Variants in RBSN observed in about 807,000 individuals in gnomAD.
RBSN encodes rabenosyn, RAB effector, also known as rabenosyn-5.
In RBSN, 34 loss-of-function variants were observed where a neutral mutation model predicts 60.5. The ratio of observed to expected loss-of-function variants is 0.56; its 90% CI spans 0.43 to 0.75. The LOEUF (loss-of-function observed/expected upper bound fraction) is 0.75, where lower values mean the gene tolerates loss of function less well. Among genes scored for constraint, RBSN ranks in the 30% least tolerant of loss-of-function variants. RBSN has a pLI of 0.00. For missense variants in RBSN, 845 were observed against 986.8 expected (o/e 0.86, Z 1.92); for synonymous variants, 322 against 366.9 (o/e 0.88, Z 1.40).
chr3:15,095,878 C>A, intron 4 of RBSN, 95 bp downstream of exon 4: 1 of 1,539,158 alleles, frequency 6.5e-7, no homozygotes, highest in Non-Finnish European at 9.0e-7. Flanking sequence ...CTACTATTAT[C>A]ATATTCCTGT....
intron 4 of RBSN, among the ~76,000 whole-genome samples, chr3:15,092,356 AAAC>A (rs904538769): frequency 1.1e-4 from 16 of 152,086 alleles, no homozygotes; most frequent in Admixed American, 1.0e-3. Flanking sequence ...AAAAATACTA[AAAC>A]AAAAGGACAT....
chr3:15,074,070 G>A lies in RBSN; in HGVS notation c.2067C>T (p.Pro689=), dbSNP rs1387110946. The stretch of plus-strand genomic sequence containing the variant: ...GGGGATGTTCGTCTTCCTCACTGAA[G>A]GGGTTAGGAGCTGGGCTGTCTGGCT... ...FIQPDSPAPN[P]FSEEDEHPQQ... is the part of the protein sequence containing the mutation. Residue 689 remains proline (P), a synonymous_variant, in exon 14 of 14, where the codon CCC becomes CCT. Coordinates refer to ENST00000253699, the MANE Select transcript of RBSN (RefSeq NM_022340.4). The surrounding 1 kb of genome is among the most constrained non-coding windows in gnomAD (Gnocchi z 6.4). The A allele has an allele frequency of 1.2e-6, 2 of 1,614,084 alleles. No individual in the cohort carries two copies. The highest frequency in any genetic ancestry group is 3.3e-5 in the Admixed American group (2 of 60,006).
At chr3:15,091,238 T>TAAA in intron 4 of RBSN, 2 of 144,448 alleles carry the variant, frequency 1.4e-5, no homozygotes, top group Non-Finnish European at 1.9e-5. Flanking sequence ...AAAAAAAAAA[T>TAAA]TAAAACTATA....
At chr3:15,089,126 G>C (rs2043426621) in intron 5 of RBSN, among the ~76,000 whole-genome samples, 1 of 152,086 alleles carries the variant, frequency 6.6e-6, no homozygotes. Context: ...CCATTTCATG[G>C]ACAGAAAATA....
rs1171301607 is a variant in RBSN at position 15,070,571 on chromosome 3, A to T, written c.*3211T>A. 1.3e-5 allele frequency: 2 copies of T among 152,566 alleles called. No individual in the cohort carries two copies. Among genetic ancestry groups the T allele is most frequent in the African/African-American group, 2.4e-5 (1 of 41,428 alleles). The allele number at this position is 152,566 out of a possible 1,614,324, so 9.5% of individuals were successfully genotyped here. Reference sequence around the variant, plus strand: ...AATATTCACATGAGGTAAGAACTTGAAGTTGTGGTTATAATACATAGGCCA... The same window carrying T: ...AATATTCACATGAGGTAAGAACTTGTAGTTGTGGTTATAATACATAGGCCA... On this transcript the variant is annotated 3_prime_UTR_variant, in exon 14 of 14. Transcript: ENST00000253699.
At chr3:15,094,281 C>T (rs1041196280) in intron 4 of RBSN, among the ~76,000 whole-genome samples, 1 of 152,194 alleles carries the variant, frequency 6.6e-6, no homozygotes, top group Non-Finnish European at 1.5e-5. Flanking sequence ...AGGAAACTTA[C>T]ATAATCAGGT....
At position 15,072,253 on chromosome 3, in the gene RBSN, G is replaced by T. The variant is rs144305934; in HGVS notation, c.*1529C>A. On this transcript the variant is annotated 3_prime_UTR_variant, in exon 14 of 14. Transcript: ENST00000253699. ...CTAAAAATACAGAGATTAACCAGGC[G>T]TGGTGGCCCACGCCTGTAATCCTAG... 6.6e-6 allele frequency: 1 copy of T among 152,164 alleles called. No homozygotes were observed. The highest frequency in any genetic ancestry group is 1.9e-4 in the East Asian group (1 of 5,188). 9.4% of individuals were successfully genotyped at this position (152,164 alleles called of 1,614,324 possible).
intron 5 of RBSN, 36 bp from the exon 6 acceptor site, chr3:15,085,997 T>C (rs1488787977): frequency 6.4e-6 from 10 of 1,570,420 alleles, no homozygotes; most frequent in Middle Eastern, 1.7e-4. Flanking sequence ...AAATGACTTA[T>C]AGTTTCTCTG....
Position 15,070,710 on chromosome 3 carries a change from A to G in RBSN, c.*3072T>C, listed in dbSNP as rs2042909025. 1 of 152,702 alleles carries G rather than the reference A, an allele frequency of 6.5e-6. No homozygotes were observed. Among genetic ancestry groups the G allele is most frequent in the African/African-American group, 2.4e-5 (1 of 41,462 alleles). 9.5% of individuals were successfully genotyped at this position (152,702 alleles called of 1,614,324 possible). ...CTAACTCCTGTGATGTATTTACAGG[A>G]GAAGATAATCGTGGAAGAATTAAAT... is the stretch of plus-strand genomic sequence containing the variant. On this transcript the variant is annotated 3_prime_UTR_variant, in exon 14 of 14. Transcript: ENST00000253699.
rs772001321 is a variant in RBSN at position 15,074,268 on chromosome 3, G to A, written c.1869C>T (p.Pro623=). 3.1e-6 allele frequency: 5 copies of A among 1,612,898 alleles called. No individual in the cohort carries two copies. The highest frequency in any genetic ancestry group is 4.2e-6 in the Non-Finnish European group (5 of 1,179,462). The change falls in exon 14 of 14, where the codon CCC becomes CCT. Residue 623 remains proline (P), a synonymous_variant. Transcript: ENST00000253699. The surrounding 1 kb of genome is among the most constrained non-coding windows in gnomAD (Gnocchi z 6.4). ...QSSMPQQHEG[P]SLNPFDEEDL... Reference sequence around the variant, plus strand: ...CTTCCTCATCAAAGGGGTTTAAGGAGGGCCCCTCATGTTGCTGTGGCATGC... The same window carrying A: ...CTTCCTCATCAAAGGGGTTTAAGGAAGGCCCCTCATGTTGCTGTGGCATGC...
intron 9 of RBSN, chr3:15,081,004 G>T: frequency 1.8e-6 from 1 of 553,212 alleles, no homozygotes. Context: ...TGGAGCTTCT[G>T]ATCAGATGTT....
Position 15,082,235 on chromosome 3 carries a change from C to A in RBSN, c.840+132G>T. The A allele has an allele frequency of 8.2e-7, 1 of 1,222,550 alleles. No homozygotes were observed. Among genetic ancestry groups the A allele is most frequent in the Non-Finnish European group, 1.1e-6 (1 of 871,604 alleles). The allele number at this position is 1,222,550 out of a possible 1,614,324, so 75.7% of individuals were successfully genotyped here. ...CCTAGCTGGGAAATCATAACATGGGCCTTTAACAGGAACTACAAATAATTC... is the reference window on the plus strand; with the variant it reads ...CCTAGCTGGGAAATCATAACATGGGACTTTAACAGGAACTACAAATAATTC... On this transcript the variant is annotated intron_variant, in intron 9 of 13. Coordinates refer to ENST00000253699, the MANE Select transcript of RBSN (RefSeq NM_022340.4). The surrounding 1 kb of genome is among the most constrained non-coding windows in gnomAD (Gnocchi z 4.2).
intron 12 of RBSN, among the ~76,000 whole-genome samples, chr3:15,076,697 G>A (rs1045731292): frequency 6.6e-6 from 1 of 152,076 alleles, no homozygotes; most frequent in African/African-American, 2.4e-5. Context: ...TACTATCATG[G>A]CAACACTTAA....
chr3:15,082,392 G>A lies in RBSN; in HGVS notation c.815C>T (p.Thr272Ile). The A allele has an allele frequency of 6.2e-7, 1 of 1,613,876 alleles. No individual in the cohort carries two copies. Among genetic ancestry groups the A allele is most frequent in the Non-Finnish European group, 8.5e-7 (1 of 1,179,736 alleles). ...CTCGTAGAGCTTCACGATGTCAGGTGTGTGCTCCTTCTCATCAATCTGCTG... is the reference window on the plus strand; with the variant it reads ...CTCGTAGAGCTTCACGATGTCAGGTATGTGCTCCTTCTCATCAATCTGCTG... The part of the protein sequence containing the change: ...REQQIDEKEH[T>I]PDIVKLYEKL... The change falls in exon 9 of 14, where the codon ACA becomes ATA. Residue 272 changes from threonine (T) to isoleucine (I), a missense_variant. Coordinates refer to ENST00000253699, the MANE Select transcript of RBSN (RefSeq NM_022340.4). The surrounding 1 kb of genome is among the most constrained non-coding windows in gnomAD (Gnocchi z 4.2).
chr3:15,087,591 AT>A (rs2043380273), intron 5 of RBSN, among the ~76,000 whole-genome samples: 1 of 152,180 alleles, frequency 6.6e-6, no homozygotes, highest in African/African-American at 2.4e-5. Context: ...GAAATTTTGT[AT>A]CCTTCGATCA....
chr3:15,089,759 C>T (rs995904678), intron 5 of RBSN, among the ~76,000 whole-genome samples: 13 of 151,964 alleles, frequency 8.6e-5, no homozygotes, highest in South Asian at 2.1e-4. Flanking sequence ...TACAGGCGCC[C>T]GCCACCACGC....
At chr3:15,094,678 G>A (rs779452919) in intron 4 of RBSN, among the ~76,000 whole-genome samples, 2 of 152,148 alleles carry the variant, frequency 1.3e-5, no homozygotes, top group Non-Finnish European at 2.9e-5. Context: ...ATCCACCAAA[G>A]CCCTCAGGAT....
rs370113958 is a variant in RBSN at position 15,096,111 on chromosome 3, G to A, written c.10C>T (p.Leu4=). 7 of 1,591,354 alleles carry A rather than the reference G, an allele frequency of 4.4e-6. No individual in the cohort carries two copies. Among genetic ancestry groups the A allele is most frequent in the Non-Finnish European group, 6.0e-6 (7 of 1,169,336 alleles). The change falls in exon 4 of 14, where the codon CTG becomes TTG. Residue 4 remains leucine, a synonymous_variant. Transcript: ENST00000253699. MAS[L]DDPGEVREGF... is the part of the protein sequence containing the mutation. ...TCCCTCACTTCCCCTGGGTCGTCCA[G>A]AGAAGCCATGGCAGTGCCGCTCTCA...
chr3:15,073,331 TTC>T lies in RBSN; in HGVS notation c.*449_*450del, dbSNP rs1348092690. 6.2e-6 allele frequency: 1 copy of T among 160,376 alleles called. No individual in the cohort carries two copies. Among genetic ancestry groups the T allele is most frequent in the African/African-American group, 2.4e-5 (1 of 41,468 alleles). 9.9% of individuals were successfully genotyped at this position (160,376 alleles called of 1,614,324 possible). A position where few individuals can be genotyped will look rare whatever the true frequency, so the allele number is the denominator to read the frequency against. On this transcript the variant is annotated 3_prime_UTR_variant, in exon 14 of 14. Coordinates refer to ENST00000253699, the MANE Select transcript of RBSN (RefSeq NM_022340.4). Reference sequence around the variant, plus strand: ...AGAATAGAGCTCAGTGGAATCTATCTTCTCTGTCTTGGCTAAAGGAAGGGCTC... The same window carrying T: ...AGAATAGAGCTCAGTGGAATCTATCTTCTGTCTTGGCTAAAGGAAGGGCTC...
Sources: gnomAD v4.1 joint callset for allele counts (sites outside exome capture counted in the v4.1 genomes callset) on GRCh38, gnomAD v4.1.1 for gene constraint, Gnocchi (gnomAD v3.1) non-coding constraint, MANE v1.5 for transcripts, NCBI Gene and HGNC (gene_info 2026-07-23, HGNC 2026-07-21) for gene names.